The following ADD2 variants were observed in gnomAD, a reference collection of about 807,000 sequenced individuals.
ADD2 encodes adducin 2.
Under a neutral mutation model 83.0 loss-of-function variants are expected in ADD2, and 23 were observed. That is an observed-to-expected ratio of 0.28 (90% CI 0.20 to 0.39). The LOEUF is 0.39. Among genes scored for constraint, ADD2 ranks in the 10% least tolerant of loss-of-function variants. The probability of loss-of-function intolerance (pLI) is 1.00; values close to 1 mark genes in which losing one functional copy is unlikely to be tolerated. For synonymous variants in ADD2, 375 were observed against 375.4 expected (o/e 1.00, Z 0.01); for missense variants, 758 against 944.9 (o/e 0.80, Z 2.59).
In ADD2 at chr2:70,663,374, G is replaced by A; in HGVS notation, c.*51C>T. 1 of 1,541,810 alleles carries A rather than the reference G, an allele frequency of 6.5e-7. No homozygotes were observed. The highest frequency in any genetic ancestry group is 8.8e-7 in the Non-Finnish European group (1 of 1,130,996). On this transcript the variant is annotated 3_prime_UTR_variant, in exon 16 of 16. Coordinates refer to ENST00000264436, the MANE Select transcript of ADD2 (RefSeq NM_001617.4). The stretch of plus-strand genomic sequence containing the variant: ...GCTTGCAGGGACAGAGATGGGAGAA[G>A]GGAAGGGGAGGAGAGAGAGGAGGCA...
At chr2:70,671,567 T>C (rs1176159752) in intron 15 of ADD2, among the ~76,000 whole-genome samples, 1 of 152,142 alleles carries the variant, frequency 6.6e-6, no homozygotes, top group Admixed American at 6.5e-5. Context: ...CTATACTTAC[T>C]ACAGAGACAA....
chr2:70,750,196 TC>T (rs1447586582), intron 1 of ADD2, among the ~76,000 whole-genome samples: 1 of 152,194 alleles, frequency 6.6e-6, no homozygotes, highest in Non-Finnish European at 1.5e-5. Flanking sequence ...GAAACAATGC[TC>T]CAAGTGTGCA....
At chr2:70,723,300 C>T (rs1165718659) in intron 1 of ADD2, among the ~76,000 whole-genome samples, 4 of 152,182 alleles carry the variant, frequency 2.6e-5, no homozygotes, top group African/African-American at 7.2e-5. Flanking sequence ...ACAGGCTTTG[C>T]ACAGGGCCCA....
chr2:70,704,263 T>TTGGGC, intron 4 of ADD2, 58 bp downstream of exon 4: 18 of 913,232 alleles, frequency 2.0e-5, no homozygotes, highest in Admixed American at 2.1e-5. Flanking sequence ...CTCCCTCTCT[T>TTGGGC]CCCCACCCCA....
At chr2:70,735,731 CTTTCT>C (rs1422178048) in intron 1 of ADD2, among the ~76,000 whole-genome samples, 1 of 147,466 alleles carries the variant, frequency 6.8e-6, no homozygotes, top group African/African-American at 2.5e-5. Flanking sequence ...TTTTGCTTTT[CTTTCT>C]TTTGAGATGG....
At chr2:70,685,794 C>G (rs1553370426) in intron 9 of ADD2, among the ~76,000 whole-genome samples, 1 of 152,182 alleles carries the variant, frequency 6.6e-6, no homozygotes, top group Non-Finnish European at 1.5e-5. Context: ...CTGCCCACAA[C>G]CTTGCAAGAG....
At chr2:70,683,475 A>T in intron 10 of ADD2, 116 bp downstream of exon 10, 1 of 1,155,016 alleles carries the variant, frequency 8.7e-7, no homozygotes. Context: ...ATGAGGCTTC[A>T]ACAACCTAGT....
At chr2:70,665,191 C>T (rs1400059726) in intron 15 of ADD2, among the ~76,000 whole-genome samples, 1 of 152,124 alleles carries the variant, frequency 6.6e-6, no homozygotes, top group Non-Finnish European at 1.5e-5. Context: ...GGGGTGAAGT[C>T]TGGGGAAGTG....
chr2:70,673,345 G>T, intron 14 of ADD2: 2 of 1,613,010 alleles, frequency 1.2e-6, no homozygotes, highest in South Asian at 1.1e-5. Context: ...AACCAGCCAG[G>T]AGCTTTGTGT....
intron 1 of ADD2, among the ~76,000 whole-genome samples, chr2:70,749,984 C>T (rs12713711): frequency 0.34 from 51,087 of 152,050 alleles, 8,632 homozygotes; most frequent in Middle Eastern, 0.41. Flanking sequence ...AGACAAAAGA[C>T]TTTCCTGTCC....
chr2:70,713,412 A>C (rs1443913975), intron 1 of ADD2, among the ~76,000 whole-genome samples: 1 of 152,188 alleles, frequency 6.6e-6, no homozygotes, highest in Non-Finnish European at 1.5e-5. Flanking sequence ...AGAGATCGGG[A>C]CCATCCAGGC....
chr2:70,695,013 T>C (rs570927451), intron 6 of ADD2, among the ~76,000 whole-genome samples: 3 of 152,252 alleles, frequency 2.0e-5, no homozygotes, highest in East Asian at 3.9e-4. Context: ...ACCTCTCAAG[T>C]GGCCTTGGCC....
intron 1 of ADD2, among the ~76,000 whole-genome samples, chr2:70,723,549 A>C (rs1297336056): frequency 6.6e-6 from 1 of 152,194 alleles, no homozygotes; most frequent in Non-Finnish European, 1.5e-5. Context: ...TTTCTGCACT[A>C]CAAGACATAG....
At chr2:70,675,575 T>C in intron 13 of ADD2, 1 of 985,092 alleles carries the variant, frequency 1.0e-6, no homozygotes, top group Non-Finnish European at 1.2e-6. Flanking sequence ...CTCCACAGCC[T>C]TTTTTCCTAA....
chr2:70,704,491 A>G (rs782733421), intron 3 of ADD2, 32 bp from the exon 4 acceptor site: 1 of 1,611,120 alleles, frequency 6.2e-7, no homozygotes, highest in South Asian at 1.1e-5. Flanking sequence ...TTGTCCCCCC[A>G]CAGCCTCTCA....
chr2:70,723,391 A>AT (rs1672828046), intron 1 of ADD2, among the ~76,000 whole-genome samples: 1 of 116,588 alleles, frequency 8.6e-6, no homozygotes, highest in Admixed American at 8.6e-5. Flanking sequence ...ACAACAATTG[A>AT]ATTTTTTTTT....
intron 1 of ADD2, among the ~76,000 whole-genome samples, chr2:70,758,609 G>A (rs1393969576): frequency 6.6e-6 from 1 of 152,134 alleles, no homozygotes. Flanking sequence ...GATCAACTAT[G>A]CAACATAGTG....
chr2:70,669,919 G>A (rs1237383271), intron 15 of ADD2, among the ~76,000 whole-genome samples: 3 of 152,268 alleles, frequency 2.0e-5, no homozygotes, highest in South Asian at 4.1e-4. Flanking sequence ...TGTCCCAGCT[G>A]AGCCCAGCCT....
At chr2:70,763,794 C>T (rs1436278962) in intron 1 of ADD2, among the ~76,000 whole-genome samples, 1 of 151,838 alleles carries the variant, frequency 6.6e-6, no homozygotes, top group Non-Finnish European at 1.5e-5. Flanking sequence ...GAATAACTTG[C>T]CTAAACTCTC....
Sources: gnomAD v4.1 joint callset for allele counts (sites outside exome capture counted in the v4.1 genomes callset) on GRCh38, gnomAD v4.1.1 for gene constraint, MANE v1.5 for transcripts, NCBI Gene and HGNC (gene_info 2026-07-23, HGNC 2026-07-21) for gene names.